The following RNF175 variants were observed in gnomAD, a reference collection of about 807,000 sequenced individuals.
The protein encoded by RNF175 is ring finger protein 175.
A neutral mutation model predicts 50.0 loss-of-function variants in RNF175; 38 were observed. That is an observed-to-expected ratio of 0.76 (90% CI 0.59 to 1.00). The LOEUF (loss-of-function observed/expected upper bound fraction) is 1.00, where lower values mean the gene tolerates loss of function less well. RNF175 is among the 50% of genes least tolerant of loss of function. RNF175 has a pLI of 0.00. For missense variants in RNF175, 388 were observed against 409.6 expected, an observed-to-expected ratio of 0.95 and a Z score of 0.46; for synonymous variants, 155 against 146.1, an observed-to-expected ratio of 1.06 and a Z score of -0.44.
rs769473690 is a variant in RNF175 at position 153,720,186 on chromosome 4, CT to C, written c.627del (p.Ile209MetfsTer74). 8 of 1,613,678 alleles carry C rather than the reference CT, an allele frequency of 5.0e-6. No homozygotes were observed. The highest frequency in any genetic ancestry group is 6.8e-6 in the Non-Finnish European group (8 of 1,179,696). On this transcript the variant is annotated frameshift_variant, in exon 6 of 9. Coordinates refer to ENST00000347063, the MANE Select transcript of RNF175 (RefSeq NM_173662.4). LOFTEE classifies it high-confidence loss of function. The part of the protein sequence containing the change: ...EICSDYMAST[I>X]GFYSVSRLPT... Reference sequence around the variant, plus strand: ...CAGAAAATGAAAGCAACACTTACCCCTATAGTGGAAGCCATGTAGTCTGAGC... The same window carrying C: ...CAGAAAATGAAAGCAACACTTACCCCATAGTGGAAGCCATGTAGTCTGAGC...
At chr4:153,758,878 A>C (rs1217252924) in intron 1 of RNF175, among the ~76,000 whole-genome samples, 2 of 152,134 alleles carry the variant, frequency 1.3e-5, no homozygotes, top group Admixed American at 1.3e-4. Flanking sequence ...ACCCAGCTCG[A>C]ATGCCACGCC....
At chr4:153,753,047 C>T (rs937327268) in intron 1 of RNF175, among the ~76,000 whole-genome samples, 3 of 152,146 alleles carry the variant, frequency 2.0e-5, no homozygotes, top group Non-Finnish European at 4.4e-5. Context: ...ACATAAACCT[C>T]CAAGTCCAAG....
chr4:153,717,047 A>T (rs921476966), intron 6 of RNF175, among the ~76,000 whole-genome samples: 1 of 152,224 alleles, frequency 6.6e-6, no homozygotes. Flanking sequence ...TATATAAATT[A>T]TGTGGAATTC....
At chr4:153,753,560 C>CT (rs72529289) in intron 1 of RNF175, among the ~76,000 whole-genome samples, 16 of 78,760 alleles carry the variant, frequency 2.0e-4, no homozygotes, top group South Asian at 1.4e-3. Context: ...CTCTCTCTCT[C>CT]TTTTTTTTTT....
chr4:153,729,671 C>T (rs1003913953), intron 3 of RNF175: 22 of 985,088 alleles, frequency 2.2e-5, no homozygotes, highest in Non-Finnish European at 2.5e-5. Context: ...TTCCCAGGCT[C>T]ACCATTCTCC....
chr4:153,733,224 T>C (rs1739141641), intron 3 of RNF175, among the ~76,000 whole-genome samples: 1 of 152,170 alleles, frequency 6.6e-6, no homozygotes, highest in Admixed American at 6.5e-5. Flanking sequence ...TTTAAGTACA[T>C]GATCTGAATT....
chr4:153,735,180 G>A (rs900702804), intron 3 of RNF175, among the ~76,000 whole-genome samples: 10 of 149,260 alleles, frequency 6.7e-5, no homozygotes, highest in African/African-American at 9.8e-5. Flanking sequence ...GATTCATTTC[G>A]AATTAATTTT....
At position 153,759,792 on chromosome 4, in the gene RNF175, A is replaced by C; in HGVS notation, c.66+5T>G. 6.8e-7 allele frequency: 1 copy of C among 1,479,222 alleles called. No individual in the cohort carries two copies. The highest frequency in any genetic ancestry group is 1.3e-5 in the South Asian group (1 of 78,046). 91.6% of individuals were successfully genotyped at this position (1,479,222 alleles called of 1,614,324 possible). A position where few individuals can be genotyped will look rare whatever the true frequency, so the allele number is the denominator to read the frequency against. On this transcript the variant is annotated splice_donor_5th_base_variant and intron_variant, in intron 1 of 8. Transcript: ENST00000347063. ...TCCCCCACGCCCGCGCCCCCGCGCC[A>C]GTACCTGCTCCTGCTGCGGGGGGGC...
At chr4:153,757,747 C>G (rs544599368) in intron 1 of RNF175, among the ~76,000 whole-genome samples, 3 of 151,930 alleles carry the variant, frequency 2.0e-5, no homozygotes, top group Admixed American at 6.6e-5. Context: ...CTCCTAAACC[C>G]ATGGTCTCTG....
At chr4:153,738,092 C>T (rs1407806846) in intron 3 of RNF175, among the ~76,000 whole-genome samples, 1 of 152,126 alleles carries the variant, frequency 6.6e-6, no homozygotes, top group Non-Finnish European at 1.5e-5. Flanking sequence ...CTCCGCTGCC[C>T]AGGCTGGAGT....
In RNF175 at chr4:153,710,387, A is replaced by G. The variant is rs772456608; in HGVS notation, c.969T>C (p.Tyr323=). The G allele has an allele frequency of 1.0e-5, 16 of 1,558,454 alleles. No individual in the cohort carries two copies. The highest frequency in any genetic ancestry group is 1.4e-5 in the African/African-American group (1 of 73,574). ...TGCTGTCCTATTCCAGCCCTAGTGA[A>G]TAGATAATGCCTTGAACTATTCCTA... is the stretch of plus-strand genomic sequence containing the variant. ...VVIGIVQGII[Y]SLGLE The change falls in exon 9 of 9, where the codon TAT becomes TAC. Residue 323 remains tyrosine, a synonymous_variant. Coordinates refer to ENST00000347063, the MANE Select transcript of RNF175 (RefSeq NM_173662.4).
At chr4:153,753,706 C>T (rs1394897775) in intron 1 of RNF175, among the ~76,000 whole-genome samples, 2 of 151,622 alleles carry the variant, frequency 1.3e-5, no homozygotes, top group Admixed American at 6.6e-5. Flanking sequence ...TACAGGCACT[C>T]GCCACCATGC....
At chr4:153,743,108 T>C (rs1297576839) in intron 3 of RNF175, among the ~76,000 whole-genome samples, 1 of 152,136 alleles carries the variant, frequency 6.6e-6, no homozygotes, top group Admixed American at 6.5e-5. Context: ...CAGTAGTGTA[T>C]CAGGCCGTAG....
At chr4:153,749,413 A>C (rs964471358) in intron 2 of RNF175, among the ~76,000 whole-genome samples, 1 of 152,256 alleles carries the variant, frequency 6.6e-6, no homozygotes, top group Non-Finnish European at 1.5e-5. Context: ...GAAACCCTGC[A>C]GATGGTGCTT....
At chr4:153,715,358 A>C (rs925944771) in intron 7 of RNF175, 171 bp downstream of exon 7, 5 of 703,002 alleles carry the variant, frequency 7.1e-6, no homozygotes, top group Non-Finnish European at 1.3e-5. Context: ...TTAGCAGTTC[A>C]TTATTCAGCA....
intron 6 of RNF175, among the ~76,000 whole-genome samples, chr4:153,716,384 C>A (rs1737927371): frequency 6.6e-6 from 1 of 152,190 alleles, no homozygotes; most frequent in Non-Finnish European, 1.5e-5. Context: ...CTGGAGTAAA[C>A]CGAGGCATCT....
chr4:153,722,191 T>A (rs965064765), intron 5 of RNF175, among the ~76,000 whole-genome samples: 2 of 152,200 alleles, frequency 1.3e-5, no homozygotes, highest in African/African-American at 4.8e-5. Context: ...TTCAGTCCCC[T>A]TTCCAGGACA....
chr4:153,738,109 G>C (rs757525797), intron 3 of RNF175, among the ~76,000 whole-genome samples: 15 of 152,034 alleles, frequency 9.9e-5, no homozygotes, highest in Non-Finnish European at 4.4e-5. Context: ...GAGTGCAGTG[G>C]AGAGATCATG....
intron 1 of RNF175, among the ~76,000 whole-genome samples, chr4:153,759,223 T>G (rs962406514): frequency 1.3e-5 from 2 of 152,158 alleles, no homozygotes; most frequent in Non-Finnish European, 2.9e-5. Context: ...TGGGCTAGGT[T>G]GAGCACCAGG....
Sources: allele counts gnomAD v4.1 joint callset (sites outside exome capture counted in the v4.1 genomes callset), GRCh38; gene constraint gnomAD v4.1.1; transcripts MANE v1.5; gene names NCBI Gene and HGNC (gene_info 2026-07-23, HGNC 2026-07-21).